The following BCAS3 variants were observed in gnomAD, a reference collection of about 807,000 sequenced individuals.
BCAS3 encodes BCAS4/BCAS3 fusion.
Under a neutral mutation model 116.1 loss-of-function variants are expected in BCAS3, and 53 were observed. The ratio of observed to expected loss-of-function variants is 0.46; its 90% CI spans 0.37 to 0.57. The LOEUF (loss-of-function observed/expected upper bound fraction) is 0.57. BCAS3 is among the 20% of genes least tolerant of loss of function. The pLI, the probability that BCAS3 is intolerant of heterozygous loss-of-function variation, is 0.00. For missense variants in BCAS3, 917 were observed against 1,165.4 expected, an observed-to-expected ratio of 0.79 and a Z score of 3.10; for synonymous variants, 391 against 408.2, an observed-to-expected ratio of 0.96 and a Z score of 0.51.
At chr17:61,055,991 G>A (rs1305317326) in intron 19 of BCAS3, among the ~76,000 whole-genome samples, 2 of 152,142 alleles carry the variant, frequency 1.3e-5, no homozygotes, top group African/African-American at 4.8e-5. Flanking sequence ...TCTGTGACGT[G>A]CTCAAAACCT....
rs1056037583 is a variant in BCAS3, at chr17:60,711,804, G to C, written c.321+2479G>C. On this transcript the variant is annotated intron_variant, in intron 5 of 23. Transcript: ENST00000407086. ...GTAGAGGCTGACGCTTGTAATCCCA[G>C]CACTTTGGGAGGCTGAGGCAGGAGG... 3.3e-5 allele frequency among the ~76,000 whole-genome samples: 5 copies of C among 151,986 alleles called. No homozygotes were observed. The South Asian group carries it at 1.0e-3, about 32-fold the overall frequency.
rs2059898273 is a variant in BCAS3, at chr17:61,387,156, C to A, written c.2594-4821C>A. ...CGTCTCACACAGGCCCTGTGCCCTCCGCATTTCACCCCTCCCGGGGAGTCT... is the reference window on the plus strand; with the variant it reads ...CGTCTCACACAGGCCCTGTGCCCTCAGCATTTCACCCCTCCCGGGGAGTCT... On this transcript the variant is annotated intron_variant, in intron 23 of 23. Coordinates refer to ENST00000407086, the MANE Select transcript of BCAS3 (RefSeq NM_017679.5). This position sits in a 1 kb window ranked among gnomAD's most constrained non-coding sequence, Gnocchi z 6.2. 6.6e-6 allele frequency among the ~76,000 whole-genome samples: 1 copy of A among 152,202 alleles called. No individual in the cohort carries two copies. The highest frequency in any genetic ancestry group is 2.4e-5 in the African/African-American group (1 of 41,454).
At position 61,013,906 on chromosome 17, in the gene BCAS3, A is replaced by G. The variant is rs1412434162; in HGVS notation, c.1487-1845A>G. ...AGAAAGGCACTTTTGACTTTTCACT[A>G]CCTCTCAGGCTACCATTAGATACTG... On this transcript the variant is annotated intron_variant, in intron 15 of 23. Transcript: ENST00000407086. This position sits in a 1 kb window ranked among gnomAD's most constrained non-coding sequence, Gnocchi z 4.4. Among the ~76,000 whole-genome samples the G allele has an allele frequency of 1.3e-5, 2 of 151,876 alleles. No homozygotes were observed. The highest frequency in any genetic ancestry group is 2.9e-5 in the Non-Finnish European group (2 of 67,902).
At chr17:61,165,956 A>C (rs2078465827) in intron 22 of BCAS3, among the ~76,000 whole-genome samples, 1 of 152,188 alleles carries the variant, frequency 6.6e-6, no homozygotes, top group South Asian at 2.1e-4. Context: ...CTGGAAGTCA[A>C]ACTGAGGTTT....
intron 6 of BCAS3, among the ~76,000 whole-genome samples, chr17:60,771,086 C>T (rs905920719): frequency 9.9e-5 from 15 of 151,832 alleles, no homozygotes; most frequent in Non-Finnish European, 1.8e-4. Flanking sequence ...GGGGTTACAG[C>T]GGTAAACCAC....
rs3785847 is a variant in BCAS3, at chr17:61,352,654, C to T, written c.2426-15673C>T. ...GAGTCTGTGAGTTGAGGGGAAATCA[C>T]AACCAGATTAACACAGTGATTTGGG... On this transcript the variant is annotated intron_variant, in intron 22 of 23. Coordinates refer to ENST00000407086, the MANE Select transcript of BCAS3 (RefSeq NM_017679.5). This position sits in a 1 kb window ranked among gnomAD's most constrained non-coding sequence, Gnocchi z 4.7. Among the ~76,000 whole-genome samples the T allele has an allele frequency of 0.9, 136,904 of 152,220 alleles. 61,921 individuals carry two copies. Among genetic ancestry groups the T allele is most frequent in the Non-Finnish European group, 0.95 (64,687 of 68,034 alleles).
In BCAS3 at chr17:61,388,062, A is replaced by G. The variant is rs1264393838; in HGVS notation, c.2594-3915A>G. The stretch of plus-strand genomic sequence containing the variant: ...ACACTTCCCTCATTTCCTGCCACAG[A>G]GCCCCCAGCACTCTCTTTCGGGCCC... On this transcript the variant is annotated intron_variant, in intron 23 of 23. Coordinates refer to ENST00000407086, the MANE Select transcript of BCAS3 (RefSeq NM_017679.5). The surrounding 1 kb of genome is among the most constrained non-coding windows in gnomAD (Gnocchi z 6.5). Among the ~76,000 whole-genome samples the G allele has an allele frequency of 6.6e-6, 1 of 152,118 alleles. No individual in the cohort carries two copies.
intron 22 of BCAS3, among the ~76,000 whole-genome samples, chr17:61,193,149 C>A (rs2144238333): frequency 6.6e-6 from 1 of 152,240 alleles, no homozygotes; most frequent in East Asian, 1.9e-4. Context: ...GTAATCCCAG[C>A]TAGTCAGGAG....
chr17:61,182,832 G>A (rs1033474092), intron 22 of BCAS3, among the ~76,000 whole-genome samples: 1 of 152,240 alleles, frequency 6.6e-6, no homozygotes, highest in African/African-American at 2.4e-5. Flanking sequence ...GTAGAGTGTT[G>A]TGGACTATGT....
chr17:61,323,128 C>T lies in BCAS3; in HGVS notation c.2426-45199C>T, dbSNP rs560143011. On this transcript the variant is annotated intron_variant, in intron 22 of 23. Coordinates refer to ENST00000407086, the MANE Select transcript of BCAS3 (RefSeq NM_017679.5). The surrounding 1 kb of genome is among the most constrained non-coding windows in gnomAD (Gnocchi z 4.6). ...ATGGTCACATGGATTTAGCATCACA[C>T]GGGGAATTCGCTGTAACCCAGCCAT... 1.3e-5 allele frequency among the ~76,000 whole-genome samples: 2 copies of T among 152,068 alleles called. No homozygotes were observed. Among genetic ancestry groups the T allele is most frequent in the African/African-American group, 2.4e-5 (1 of 41,504 alleles).
At chr17:61,351,881 A>G (rs1290697825) in intron 22 of BCAS3, among the ~76,000 whole-genome samples, 1 of 152,160 alleles carries the variant, frequency 6.6e-6, no homozygotes, top group African/African-American at 2.4e-5. Context: ...GATATTCACA[A>G]CTGGAGAGCC....
intron 12 of BCAS3, 50 bp from the exon 13 acceptor site, chr17:60,924,357 T>C: frequency 6.5e-7 from 1 of 1,529,486 alleles, no homozygotes; most frequent in Non-Finnish European, 9.1e-7. Context: ...TCAAGCTCGG[T>C]TATCAGTGAG....
At chr17:61,335,368 C>T (rs1247806338) in intron 22 of BCAS3, among the ~76,000 whole-genome samples, 1 of 152,214 alleles carries the variant, frequency 6.6e-6, no homozygotes, top group Non-Finnish European at 1.5e-5. Context: ...CCCTCTGACT[C>T]AGAACTACTA....
At chr17:60,923,643 G>T (rs1461867993) in intron 12 of BCAS3, among the ~76,000 whole-genome samples, 1 of 152,082 alleles carries the variant, frequency 6.6e-6, no homozygotes, top group East Asian at 1.9e-4. Flanking sequence ...TCCAAAATTG[G>T]TGTAATAGGT....
chr17:61,215,379 A>C lies in BCAS3; in HGVS notation c.2425+130815A>C, dbSNP rs1186340909. On this transcript the variant is annotated intron_variant, in intron 22 of 23. Coordinates refer to ENST00000407086, the MANE Select transcript of BCAS3 (RefSeq NM_017679.5). The surrounding 1 kb of genome is among the most constrained non-coding windows in gnomAD (Gnocchi z 4.8). ...TAGCTCTCTGTCCTTCTGACACTTC[A>C]CCTCTCTGTTCTTCAGTTTTGTATT... is the stretch of plus-strand genomic sequence containing the variant. Among the ~76,000 whole-genome samples the C allele has an allele frequency of 6.6e-6, 1 of 152,026 alleles. No homozygotes were observed. The highest frequency in any genetic ancestry group is 2.4e-5 in the African/African-American group (1 of 41,382).
At position 61,249,450 on chromosome 17, in the gene BCAS3, A is replaced by G. The variant is rs143054013; in HGVS notation, c.2426-118877A>G. ...GTTAATTTTAATCCTCCAAAGGCTT[A>G]TTTGCTAGCACAAAAGGTCATGAAA... On this transcript the variant is annotated intron_variant, in intron 22 of 23. Transcript: ENST00000407086. This position sits in a 1 kb window ranked among gnomAD's most constrained non-coding sequence, Gnocchi z 6.2. Among the ~76,000 whole-genome samples the G allele has an allele frequency of 6.4e-3, 977 of 152,290 alleles. 4 individuals carry two copies. Among genetic ancestry groups the G allele is most frequent in the African/African-American group, 0.022 (927 of 41,542 alleles).
intron 22 of BCAS3, among the ~76,000 whole-genome samples, chr17:61,262,982 G>A (rs1288759874): frequency 1.3e-5 from 2 of 152,150 alleles, no homozygotes; most frequent in African/African-American, 4.8e-5. Context: ...ATGAGCCACT[G>A]TGCCTGGCCC....
chr17:61,334,249 T>C (rs1279259133), intron 22 of BCAS3, among the ~76,000 whole-genome samples: 3 of 152,168 alleles, frequency 2.0e-5, no homozygotes, highest in African/African-American at 2.4e-5. Context: ...TTAGAAGTCA[T>C]GGAAAAAGCA....
intron 6 of BCAS3, among the ~76,000 whole-genome samples, chr17:60,783,003 G>A (rs918986000): frequency 1.3e-5 from 2 of 152,008 alleles, no homozygotes; most frequent in Non-Finnish European, 2.9e-5. Context: ...GTCTTTCTAG[G>A]GACTGGAAGG....
Sources: allele counts gnomAD v4.1 joint callset (sites outside exome capture counted in the v4.1 genomes callset), GRCh38; gene constraint gnomAD v4.1.1; non-coding constraint Gnocchi (gnomAD v3.1); transcripts MANE v1.5; gene names NCBI Gene and HGNC (gene_info 2026-07-23, HGNC 2026-07-21).